Variants in CMC1 observed in about 807,000 individuals in gnomAD.
CMC1 encodes the protein C-X9-C motif containing 1, also known as COX assembly mitochondrial protein homolog.
CMC1 carries 14 observed loss-of-function variants against 14.1 expected under a neutral mutation model. The ratio of observed to expected loss-of-function variants is 0.99; its 90% CI spans 0.66 to 1.55. The LOEUF is 1.55. Ranked by LOEUF, CMC1 falls within the 40% of genes most tolerant of loss-of-function variation. The pLI, the probability that CMC1 is intolerant of heterozygous loss-of-function variation, is 0.00. For missense variants in CMC1, 127 were observed against 123.8 expected (o/e 1.03, Z -0.12); for synonymous variants, 50 against 38.4 (o/e 1.30, Z -1.12).
intron 2 of CMC1, among the ~76,000 whole-genome samples, chr3:28,266,577 A>C (rs34109684): frequency 0.28 from 41,952 of 151,636 alleles, 6,547 homozygotes; most frequent in African/African-American, 0.41. Flanking sequence ...TCCTGGGCTC[A>C]AACAAGTCTC....
chr3:28,319,732 T>C lies in CMC1; in HGVS notation c.*103T>C. On this transcript the variant is annotated 3_prime_UTR_variant, in exon 4 of 4. Transcript: ENST00000466830. ...ATATATGTTTGCTTTACCTTAATTATGGAAATATTAACTTTATCTGAAATA... is the reference window on the plus strand; with the variant it reads ...ATATATGTTTGCTTTACCTTAATTACGGAAATATTAACTTTATCTGAAATA... 1.1e-6 allele frequency: 1 copy of C among 945,252 alleles called. No homozygotes were observed. The highest frequency in any genetic ancestry group is 1.5e-6 in the Non-Finnish European group (1 of 654,000). 58.6% of individuals were successfully genotyped at this position (945,252 alleles called of 1,614,324 possible).
intron 1 of CMC1, among the ~76,000 whole-genome samples, chr3:28,248,202 T>C (rs915678377): frequency 1.3e-5 from 2 of 152,160 alleles, no homozygotes; most frequent in Admixed American, 6.5e-5. Flanking sequence ...ATTTGAAGAA[T>C]GGGAATGTTC....
At position 28,323,923 on chromosome 3, in the gene CMC1, T is replaced by C. The variant is rs1300603799; in HGVS notation, c.*4294T>C. 5 of 1,161,110 alleles carry C rather than the reference T, an allele frequency of 4.3e-6. No individual in the cohort carries two copies. Among genetic ancestry groups the C allele is most frequent in the Non-Finnish European group, 6.1e-6 (5 of 821,784 alleles). 71.9% of individuals were successfully genotyped at this position (1,161,110 alleles called of 1,614,324 possible). ...ATTGTACAGTGTGTTCAAATATAGA[T>C]ACTGAAGACCTCTGCAAAATTTTAA... is the stretch of plus-strand genomic sequence containing the variant. On this transcript the variant is annotated 3_prime_UTR_variant, in exon 4 of 4. Coordinates refer to ENST00000466830, the MANE Select transcript of CMC1 (RefSeq NM_182523.2).
At chr3:28,275,880 AG>A (rs1483768654) in intron 2 of CMC1, among the ~76,000 whole-genome samples, 5 of 152,196 alleles carry the variant, frequency 3.3e-5, no homozygotes, top group African/African-American at 1.2e-4. Context: ...TGATCTAAAC[AG>A]GCAGTCTGGC....
At chr3:28,300,678 C>CCTCCCTTTCT (rs1297254895) in intron 2 of CMC1, among the ~76,000 whole-genome samples, 1 of 124,668 alleles carries the variant, frequency 8.0e-6, no homozygotes, top group Non-Finnish European at 1.7e-5. Flanking sequence ...CCTCCCTTTC[C>CCTCCCTTTCT]CTCCCTTTCC....
chr3:28,276,601 T>C (rs1252642719), intron 2 of CMC1, among the ~76,000 whole-genome samples: 3 of 152,220 alleles, frequency 2.0e-5, no homozygotes, highest in Non-Finnish European at 4.4e-5. Flanking sequence ...CAGATGTGCT[T>C]GTATATACAA....
At chr3:28,308,243 C>CA (rs1326641043) in intron 2 of CMC1, among the ~76,000 whole-genome samples, 1 of 151,480 alleles carries the variant, frequency 6.6e-6, no homozygotes, top group African/African-American at 2.4e-5. Flanking sequence ...AAGAAAAATT[C>CA]AAACCTTAAC....
At chr3:28,258,312 A>T (rs1033876534) in intron 1 of CMC1, among the ~76,000 whole-genome samples, 4 of 151,584 alleles carry the variant, frequency 2.6e-5, no homozygotes, top group South Asian at 2.1e-4. Flanking sequence ...TAGTGAAGTC[A>T]AATTTATAAT....
intron 2 of CMC1, among the ~76,000 whole-genome samples, chr3:28,305,713 T>C (rs1702269088): frequency 6.6e-6 from 1 of 151,744 alleles, no homozygotes; most frequent in African/African-American, 2.4e-5. Flanking sequence ...TTTGTTTCAT[T>C]TGCTTTTGAG....
At chr3:28,316,702 T>G (rs146440340) in intron 3 of CMC1, 320 of 218,978 alleles carry the variant, frequency 1.5e-3, no homozygotes, top group African/African-American at 6.7e-3. Flanking sequence ...CATGAACAGT[T>G]TGATCTGTAA....
chr3:28,279,960 A>G (rs1700793418), intron 2 of CMC1, among the ~76,000 whole-genome samples: 1 of 152,212 alleles, frequency 6.6e-6, no homozygotes, highest in African/African-American at 2.4e-5. Flanking sequence ...CCTGTATGCT[A>G]ATATTTATAG....
intron 1 of CMC1, among the ~76,000 whole-genome samples, chr3:28,250,838 T>C (rs1211783431): frequency 2.0e-5 from 3 of 152,196 alleles, no homozygotes; most frequent in African/African-American, 4.8e-5. Flanking sequence ...AGTACAGATA[T>C]TACCTTGGAA....
At chr3:28,311,621 T>G (rs1702643768) in intron 2 of CMC1, among the ~76,000 whole-genome samples, 1 of 152,218 alleles carries the variant, frequency 6.6e-6, no homozygotes, top group Non-Finnish European at 1.5e-5. Flanking sequence ...CACTTTTTAC[T>G]TCACAGCTTC....
intron 2 of CMC1, among the ~76,000 whole-genome samples, chr3:28,276,617 G>A (rs1700601729): frequency 6.6e-6 from 1 of 152,118 alleles, no homozygotes; most frequent in Non-Finnish European, 1.5e-5. Context: ...TACAATCTGA[G>A]TAGAAGATCA....
chr3:28,271,673 T>TATATGGGCTCTTTTTTCTGGTTCC (rs1700300175), intron 2 of CMC1, among the ~76,000 whole-genome samples: 1 of 152,222 alleles, frequency 6.6e-6, no homozygotes, highest in Non-Finnish European at 1.5e-5. Flanking sequence ...TTGTCTTGGC[T>TATATGGGCTCTTTTTTCTGGTTCC]ATATGGGCTC....
intron 2 of CMC1, among the ~76,000 whole-genome samples, chr3:28,300,732 C>T: frequency 7.0e-6 from 1 of 142,450 alleles, no homozygotes; most frequent in Non-Finnish European, 1.5e-5. Context: ...CTCCCTCTCT[C>T]CCTGCCTTCC....
chr3:28,256,281 A>C (rs1221841768), intron 1 of CMC1, among the ~76,000 whole-genome samples: 2 of 151,998 alleles, frequency 1.3e-5, no homozygotes, highest in Non-Finnish European at 2.9e-5. Context: ...CAGTTGGGCA[A>C]ATCTGAAATG....
intron 2 of CMC1, among the ~76,000 whole-genome samples, chr3:28,271,439 C>T (rs1577017473): frequency 6.6e-6 from 1 of 152,310 alleles, no homozygotes; most frequent in East Asian, 1.9e-4. Context: ...GTTCTCCCAG[C>T]ACCATTTATT....
chr3:28,275,854 G>A (rs1165665433), intron 2 of CMC1, among the ~76,000 whole-genome samples: 2 of 152,210 alleles, frequency 1.3e-5, no homozygotes, highest in African/African-American at 2.4e-5. Context: ...CCAGTGAGGA[G>A]AGATGCATCC....
Sources: allele counts gnomAD v4.1 joint callset (sites outside exome capture counted in the v4.1 genomes callset), GRCh38; gene constraint gnomAD v4.1.1; transcripts MANE v1.5; gene names NCBI Gene and HGNC (gene_info 2026-07-23, HGNC 2026-07-21).